Variants in CDK19 observed in about 807,000 individuals in gnomAD.
CDK19 encodes cyclin-dependent kinase 19.
CDK19 carries 20 observed loss-of-function variants against 68.3 expected under a neutral mutation model. That is an observed-to-expected ratio of 0.29 (90% CI 0.21 to 0.43). The LOEUF (loss-of-function observed/expected upper bound fraction) is 0.43. Among genes scored for constraint, CDK19 ranks in the 20% least tolerant of loss-of-function variants. The pLI, the probability that CDK19 is intolerant of heterozygous loss-of-function variation, is 1.00. For missense variants in CDK19, 339 were observed against 623.5 expected (o/e 0.54, Z 4.86); for synonymous variants, 221 against 222.8 (o/e 0.99, Z 0.07).
chr6:110,811,540 G>A (rs910822699), intron 1 of CDK19, among the ~76,000 whole-genome samples: 8 of 152,070 alleles, frequency 5.3e-5, no homozygotes, highest in African/African-American at 1.4e-4. Flanking sequence ...GAGCCACGGC[G>A]CCCGGCCAAC....
intron 1 of CDK19, among the ~76,000 whole-genome samples, chr6:110,799,764 G>C (rs1195143063): frequency 6.6e-6 from 1 of 151,922 alleles, no homozygotes; most frequent in Non-Finnish European, 1.5e-5. Flanking sequence ...TACCCAGCTA[G>C]TTTTTTTGTT....
chr6:110,804,886 G>A (rs1782573997), intron 1 of CDK19, among the ~76,000 whole-genome samples: 1 of 151,550 alleles, frequency 6.6e-6, no homozygotes, highest in Admixed American at 6.6e-5. Context: ...AACCCAGGAG[G>A]CGGAGCTTGC....
intron 2 of CDK19, among the ~76,000 whole-genome samples, chr6:110,676,474 C>T (rs1468934191): frequency 6.6e-6 from 1 of 152,164 alleles, no homozygotes; most frequent in African/African-American, 2.4e-5. Context: ...AAAATGCTAT[C>T]AAATAGCATT....
chr6:110,779,512 C>G (rs1172062518), intron 1 of CDK19, among the ~76,000 whole-genome samples: 1 of 152,170 alleles, frequency 6.6e-6, no homozygotes, highest in African/African-American at 2.4e-5. Flanking sequence ...ATTTGTAACT[C>G]TTTGACTTTC....
At chr6:110,791,950 A>T (rs1469533300) in intron 1 of CDK19, among the ~76,000 whole-genome samples, 1 of 151,526 alleles carries the variant, frequency 6.6e-6, no homozygotes. Context: ...CCAGCCACCC[A>T]GCATGTTTTC....
rs765784625 is a variant in CDK19, at chr6:110,622,883, G to A, written c.963C>T (p.Thr321=). 7 of 1,613,204 alleles carry A rather than the reference G, an allele frequency of 4.3e-6. No individual in the cohort carries two copies. In the South Asian group the frequency reaches 6.6e-5, roughly 15 times the overall value. The change falls in exon 10 of 13, where the codon ACC becomes ACT. Residue 321 remains threonine (T), a synonymous_variant. Transcript: ENST00000368911. ...LLQKLLTMDP[T]KRITSEQALQ... The stretch of plus-strand genomic sequence containing the variant: ...GAGCTTGCTCCGAGGTAATTCTCTT[G>A]GTTGGATCCATGGTCAGGAGTTTCT...
chr6:110,701,298 T>C (rs1773983717), intron 2 of CDK19, among the ~76,000 whole-genome samples: 1 of 151,672 alleles, frequency 6.6e-6, no homozygotes, highest in Non-Finnish European at 1.5e-5. Context: ...ATCCCAGCAC[T>C]TTGGGAGGCC....
chr6:110,722,602 T>C (rs760522808), intron 2 of CDK19, among the ~76,000 whole-genome samples: 2 of 151,220 alleles, frequency 1.3e-5, no homozygotes, highest in Non-Finnish European at 3.0e-5. Context: ...ATTTAAAAAA[T>C]ACTTTCTAAA....
intron 4 of CDK19, among the ~76,000 whole-genome samples, chr6:110,665,008 A>T (rs1781837002): frequency 1.3e-5 from 2 of 152,264 alleles, no homozygotes; most frequent in Admixed American, 6.5e-5. Flanking sequence ...TACATGAAAG[A>T]TGACAGGGAT....
intron 1 of CDK19, among the ~76,000 whole-genome samples, chr6:110,802,879 T>C (rs1782433532): frequency 6.6e-6 from 1 of 152,192 alleles, no homozygotes; most frequent in Non-Finnish European, 1.5e-5. Flanking sequence ...ACAAAATTGC[T>C]CAGCTTCTCT....
In CDK19 at chr6:110,815,200, T is replaced by TC. The variant is rs1562311914; in HGVS notation, c.-65dup. ...GCCGCCGCTCAGTCCCTCCTCCTCC[T>TC]CCCCCCGCGACCGCCGCTCCACTTC... On this transcript the variant is annotated 5_prime_UTR_variant, in exon 1 of 13. Coordinates refer to ENST00000368911, the MANE Select transcript of CDK19 (RefSeq NM_015076.5). 1 of 1,324,982 alleles carries TC rather than the reference T, an allele frequency of 7.5e-7. No homozygotes were observed. The highest frequency in any genetic ancestry group is 2.6e-5 in the Admixed American group (1 of 38,826). The allele number at this position is 1,324,982 out of a possible 1,614,324, so 82.1% of individuals were successfully genotyped here.
At chr6:110,794,395 G>A (rs1781793579) in intron 1 of CDK19, among the ~76,000 whole-genome samples, 1 of 134,440 alleles carries the variant, frequency 7.4e-6, no homozygotes, top group South Asian at 2.4e-4. Context: ...CCTCTCTCCA[G>A]TAGTTTGAAA....
chr6:110,775,307 G>A (rs1325459620), intron 1 of CDK19, among the ~76,000 whole-genome samples: 2 of 152,090 alleles, frequency 1.3e-5, no homozygotes, highest in African/African-American at 4.8e-5. Context: ...ACAAAATAGA[G>A]AATGGCAAAT....
intron 2 of CDK19, among the ~76,000 whole-genome samples, chr6:110,723,623 CTT>C (rs1003713134): frequency 4.1e-4 from 62 of 152,274 alleles, no homozygotes; most frequent in East Asian, 1.5e-3. Flanking sequence ...CGGATTTTCT[CTT>C]GTGTCCACCA....
At chr6:110,752,565 T>C (rs959603889) in intron 1 of CDK19, among the ~76,000 whole-genome samples, 1 of 152,240 alleles carries the variant, frequency 6.6e-6, no homozygotes, top group African/African-American at 2.4e-5. Context: ...CTTCAAAAAT[T>C]ATGCTTTCAT....
intron 4 of CDK19, among the ~76,000 whole-genome samples, chr6:110,664,482 T>C (rs1373966786): frequency 6.6e-6 from 1 of 152,228 alleles, no homozygotes; most frequent in African/African-American, 2.4e-5. Context: ...TTTGACATGG[T>C]CATATTTGTG....
intron 1 of CDK19, among the ~76,000 whole-genome samples, chr6:110,753,280 T>C: frequency 6.6e-6 from 1 of 152,258 alleles, no homozygotes; most frequent in East Asian, 1.9e-4. Context: ...TTCCTTCATT[T>C]AGAATTCCAA....
At chr6:110,781,483 T>C (rs1367684334) in intron 1 of CDK19, among the ~76,000 whole-genome samples, 1 of 151,992 alleles carries the variant, frequency 6.6e-6, no homozygotes, top group Non-Finnish European at 1.5e-5. Context: ...GGGACAAATA[T>C]CCAAACTATA....
At chr6:110,752,931 T>C (rs1778576206) in intron 1 of CDK19, among the ~76,000 whole-genome samples, 1 of 152,074 alleles carries the variant, frequency 6.6e-6, no homozygotes, top group African/African-American at 2.4e-5. Context: ...GGTTTTTTAT[T>C]TGTTTGTTTG....
Sources: allele counts gnomAD v4.1 joint callset (sites outside exome capture counted in the v4.1 genomes callset), GRCh38; gene constraint gnomAD v4.1.1; transcripts MANE v1.5; gene names NCBI Gene and HGNC (gene_info 2026-07-23, HGNC 2026-07-21).